Variants in CBY2 observed in about 807,000 individuals in gnomAD.
The protein encoded by CBY2 is protein chibby homolog 2.
In CBY2, 23 loss-of-function variants were observed where a neutral mutation model predicts 25.3. The observed-to-expected ratio is 0.91, with a 90% confidence interval of 0.65 to 1.29. CBY2 has a LOEUF of 1.29. CBY2 is among the 50% of genes most tolerant of loss of function. The pLI is 0.00. For synonymous variants in CBY2, 279 were observed against 260.2 expected (o/e 1.07, Z -0.70); for missense variants, 642 against 590.7 (o/e 1.09, Z -0.90).
chr13:45,702,671 G>A, intron 1 of CBY2, 104 bp from the exon 2 acceptor site: 1 of 998,526 alleles, frequency 1.0e-6, no homozygotes, highest in East Asian at 2.4e-5. Flanking sequence ...TAATTGACAA[G>A]AGAGAAATAA....
At chr13:45,710,801 T>C (rs761959113) in intron 2 of CBY2, among the ~76,000 whole-genome samples, 27 of 152,316 alleles carry the variant, frequency 1.8e-4, no homozygotes, top group Admixed American at 8.5e-4. Context: ...ATCTGGAAGA[T>C]TGAGCGTATC....
intron 2 of CBY2, among the ~76,000 whole-genome samples, chr13:45,709,103 C>G (rs993441526): frequency 6.6e-6 from 1 of 152,040 alleles, no homozygotes; most frequent in Non-Finnish European, 1.5e-5. Flanking sequence ...GACAGTTAGG[C>G]CAAGAGAGCA....
rs766954041 is a variant in CBY2 at position 45,714,205 on chromosome 13, CAGG to C, written c.1186_1188del (p.Glu396del). The C allele has an allele frequency of 2.5e-6, 4 of 1,612,474 alleles. No homozygotes were observed. The highest frequency in any genetic ancestry group is 2.7e-5 in the African/African-American group (2 of 74,926). On this transcript the variant is annotated inframe_deletion, in exon 3 of 3. Coordinates refer to ENST00000310521, the MANE Select transcript of CBY2 (RefSeq NM_152719.3). ...GCTACGGGCAGAGCACAGGGGCTTC[CAGG>C]AGGAGAACAAGGCCCTGTGGGAGAA...
chr13:45,703,152 GA>G lies in CBY2; in HGVS notation c.156+298del, dbSNP rs545160030. On this transcript the variant is annotated intron_variant, in intron 2 of 2. Coordinates refer to ENST00000310521, the MANE Select transcript of CBY2 (RefSeq NM_152719.3). ...TGAAGTAACCCAGCCTTCTCAAAAC[GA>G]GATCTTTTGGTGCTTAGTGTTGTGC... The G allele has an allele frequency of 5.4e-4, 677 of 1,252,634 alleles. 13 individuals are homozygous for G. In the South Asian group the frequency reaches 0.015, roughly 28 times the overall value. 77.6% of individuals were successfully genotyped at this position (1,252,634 alleles called of 1,614,324 possible).
At chr13:45,702,523 T>C in intron 1 of CBY2, 58 bp downstream of exon 1, 1 of 1,461,142 alleles carries the variant, frequency 6.8e-7, no homozygotes, top group African/African-American at 1.4e-5. Context: ...CAGGTACAGC[T>C]ATCTCCACTT....
At chr13:45,708,177 G>T (rs1338547746) in intron 2 of CBY2, among the ~76,000 whole-genome samples, 3 of 152,132 alleles carry the variant, frequency 2.0e-5, no homozygotes, top group East Asian at 3.8e-4. Context: ...AAATATATGG[G>T]TTGGCCCTGA....
Position 45,713,157 on chromosome 13 carries a change from T to C in CBY2, c.157-25T>C. ...AGTGTGTCAGTCCCATCGTTAACGC[T>C]GGGCTTTCCCATTCTCTCCCGCAGA... On this transcript the variant is annotated intron_variant, in intron 2 of 2. Transcript: ENST00000310521. The surrounding 1 kb of genome is among the most constrained non-coding windows in gnomAD (Gnocchi z 5.0). 1 of 1,572,846 alleles carries C rather than the reference T, an allele frequency of 6.4e-7. No individual in the cohort carries two copies. The highest frequency in any genetic ancestry group is 8.7e-7 in the Non-Finnish European group (1 of 1,153,308).
rs912747466 is a variant in CBY2 at position 45,714,009 on chromosome 13, G to T, written c.984G>T (p.Arg328=). Residue 328 remains arginine (R), a synonymous_variant, in exon 3 of 3, where the codon CGG becomes CGT. Transcript: ENST00000310521. ...ACTCCAAGGAGCTGCGCGCCCTGCG[G>T]AAGATGGTCAGCAACATGTCCGGGC... is the stretch of plus-strand genomic sequence containing the variant. ...QEDSKELRAL[R]KMVSNMSGPS... The T allele has an allele frequency of 2.7e-6, 4 of 1,495,148 alleles. No homozygotes were observed. Among genetic ancestry groups the T allele is most frequent in the Admixed American group, 2.5e-5 (1 of 40,542 alleles). The allele number at this position is 1,495,148 out of a possible 1,614,324, so 92.6% of individuals were successfully genotyped here. A position where few individuals can be genotyped will look rare whatever the true frequency, so the allele number is the denominator to read the frequency against.
In CBY2 at chr13:45,713,938, T is replaced by C. The variant is rs1950294049; in HGVS notation, c.913T>C (p.Ser305Pro). The change falls in exon 3 of 3, where the codon TCC becomes CCC. Residue 305 changes from serine to proline, a missense_variant. By Grantham distance (74) the Ser-to-Pro change is moderately conservative. Transcript: ENST00000310521. This position sits in a 1 kb window ranked among gnomAD's most constrained non-coding sequence, Gnocchi z 5.0. The part of the protein sequence containing the change: ...GLLQDQGSGL[S>P]SRFEEPKGPP... The stretch of plus-strand genomic sequence containing the variant: ...GCTGCAGGACCAGGGCTCCGGCCTC[T>C]CCTCCCGCTTCGAGGAGCCCAAAGG... 6.5e-7 allele frequency: 1 copy of C among 1,534,114 alleles called. No homozygotes were observed. The highest frequency in any genetic ancestry group is 2.5e-5 in the East Asian group (1 of 40,790).
At chr13:45,702,709 G>A in intron 1 of CBY2, 66 bp from the exon 2 acceptor site, 1 of 1,298,482 alleles carries the variant, frequency 7.7e-7, no homozygotes, top group South Asian at 1.2e-5. Context: ...TGTTTTTTAG[G>A]CGAGCAATTG....
rs1950215654 is a variant in CBY2 at position 45,702,522 on chromosome 13, C to T, written c.75+57C>T. 3 of 1,459,502 alleles carry T rather than the reference C, an allele frequency of 2.1e-6. No individual in the cohort carries two copies. In the South Asian group the frequency reaches 3.4e-5, roughly 17 times the overall value. The allele number at this position is 1,459,502 out of a possible 1,614,324, so 90.4% of individuals were successfully genotyped here. On this transcript the variant is annotated intron_variant, in intron 1 of 2. Coordinates refer to ENST00000310521, the MANE Select transcript of CBY2 (RefSeq NM_152719.3). ...ATCTTAGACAGGGAAGCAGGTACAG[C>T]TATCTCCACTTCAAAAACTTTCAAA... is the stretch of plus-strand genomic sequence containing the variant.
Position 45,704,221 on chromosome 13 carries a change from C to A in CBY2, c.156+1366C>A, listed in dbSNP as rs2137500496. Among the ~76,000 whole-genome samples, 1 of 152,196 alleles carries A rather than the reference C, an allele frequency of 6.6e-6. No individual in the cohort carries two copies. Among genetic ancestry groups the A allele is most frequent in the East Asian group, 1.9e-4 (1 of 5,164 alleles). On this transcript the variant is annotated intron_variant, in intron 2 of 2. Transcript: ENST00000310521. The surrounding 1 kb of genome is among the most constrained non-coding windows in gnomAD (Gnocchi z 4.1). ...CAACACCCACCGCAACTTTCCCTCC[C>A]CAGCTCCCAGAAACAGCCCAACGAT...
chr13:45,703,349 G>A, intron 2 of CBY2: 1 of 1,427,480 alleles, frequency 7.0e-7, no homozygotes, highest in South Asian at 1.5e-5. Flanking sequence ...AGGGGCCATG[G>A]GCATAGATGC....
At chr13:45,709,678 T>C (rs545673291) in intron 2 of CBY2, among the ~76,000 whole-genome samples, 2 of 152,190 alleles carry the variant, frequency 1.3e-5, no homozygotes, top group Non-Finnish European at 2.9e-5. Context: ...TGGAATCAGG[T>C]TGAGGCCTGG....
At position 45,714,095 on chromosome 13, in the gene CBY2, A is replaced by T. The variant is rs368436491; in HGVS notation, c.1070A>T (p.Gln357Leu). The change falls in exon 3 of 3, where the codon CAG (glutamine) becomes CTG (leucine). Residue 357 changes from glutamine (Q) to leucine (L), a missense_variant. Transcript: ENST00000310521. ...CTGCCCGACGGCTGCCAGCCCCTGC[A>T]GCTGCTGAGAGAGATGAGGCAGGCG... is the stretch of plus-strand genomic sequence containing the variant. Reference protein sequence around the residue: ...PGLPDGCQPLQLLREMRQALQ... With the variant: ...PGLPDGCQPLLLLREMRQALQ... 6.5e-7 allele frequency: 1 copy of T among 1,547,884 alleles called. No homozygotes were observed. Among genetic ancestry groups the T allele is most frequent in the Non-Finnish European group, 8.7e-7 (1 of 1,145,482 alleles).
intron 2 of CBY2, among the ~76,000 whole-genome samples, chr13:45,703,957 T>C (rs928442532): frequency 6.6e-6 from 1 of 152,178 alleles, no homozygotes; most frequent in Non-Finnish European, 1.5e-5. Flanking sequence ...TGATTCCTCA[T>C]AGCCCATATA....
intron 2 of CBY2, among the ~76,000 whole-genome samples, chr13:45,711,782 C>A (rs1352021821): frequency 6.6e-6 from 1 of 152,142 alleles, no homozygotes; most frequent in Non-Finnish European, 1.5e-5. Context: ...TGGATCTGAG[C>A]CCCGTTTTAT....
At chr13:45,703,749 C>A (rs964775689) in intron 2 of CBY2, among the ~76,000 whole-genome samples, 1 of 152,166 alleles carries the variant, frequency 6.6e-6, no homozygotes, top group African/African-American at 2.4e-5. Context: ...TTCACATTAT[C>A]TTTATAACTT....
At chr13:45,703,277 G>A in intron 2 of CBY2, 2 of 1,329,770 alleles carry the variant, frequency 1.5e-6, no homozygotes, top group South Asian at 4.0e-5. Flanking sequence ...TGGACAAAGG[G>A]GTACAGAGTT....
Sources: gnomAD v4.1 joint callset for allele counts (sites outside exome capture counted in the v4.1 genomes callset) on GRCh38, gnomAD v4.1.1 for gene constraint, Gnocchi (gnomAD v3.1) non-coding constraint, MANE v1.5 for transcripts, NCBI Gene and HGNC (gene_info 2026-07-23, HGNC 2026-07-21) for gene names.